Variants in DYNAP observed in about 807,000 individuals in gnomAD.
DYNAP encodes dynactin-associated protein.
DYNAP carries 7 observed loss-of-function variants against 8.5 expected under a neutral mutation model. That is an observed-to-expected ratio of 0.82 (90% confidence interval 0.47 to 1.54). The LOEUF is 1.54. DYNAP is among the 40% of genes most tolerant of loss of function. The probability of loss-of-function intolerance (pLI) is 0.01; values close to 1 mark genes in which losing one functional copy is unlikely to be tolerated. For synonymous variants in DYNAP, 77 were observed against 77.9 expected, an observed-to-expected ratio of 0.99 and a Z score of 0.06; for missense variants, 256 against 224.3, an observed-to-expected ratio of 1.14 and a Z score of -0.90.
the DYNAP span, among the ~76,000 whole-genome samples, chr18:54,581,266 A>G: frequency 6.6e-6 from 1 of 152,266 alleles, no homozygotes; most frequent in Non-Finnish European, 1.5e-5. Context: ...ATAGTCACTT[A>G]GTTAAATGTC....
At chr18:54,590,777 G>A (rs146008490), upstream of DYNAP, among the ~76,000 whole-genome samples, 1 of 152,124 alleles carries the variant, frequency 6.6e-6, no homozygotes, top group African/African-American at 2.4e-5. Flanking sequence ...AGTGTGAATT[G>A]CTTGAGCAAC....
At chr18:54,585,816 C>T (rs1910856741), upstream of DYNAP, among the ~76,000 whole-genome samples, 1 of 152,162 alleles carries the variant, frequency 6.6e-6, no homozygotes, top group Non-Finnish European at 1.5e-5. Context: ...GCTGCTCCAG[C>T]TTCGTGAGCT....
upstream of DYNAP, among the ~76,000 whole-genome samples, chr18:54,588,461 TC>T (rs1471578727): frequency 3.3e-5 from 5 of 152,120 alleles, no homozygotes; most frequent in African/African-American, 9.7e-5. Flanking sequence ...CACCTCAGCC[TC>T]CCAAAGTGCT....
At chr18:54,582,409 A>G in the DYNAP span, among the ~76,000 whole-genome samples, 1 of 152,376 alleles carries the variant, frequency 6.6e-6, no homozygotes, top group African/African-American at 2.4e-5. Flanking sequence ...GTTATAAGTC[A>G]GAAATAAAAA....
chr18:54,584,475 C>T (rs1327489746), upstream of DYNAP, among the ~76,000 whole-genome samples: 1 of 151,852 alleles, frequency 6.6e-6, no homozygotes, highest in Non-Finnish European at 1.5e-5. Flanking sequence ...AATAGAGTTA[C>T]AAGTGTCCAT....
chr18:54,575,798 A>G, the DYNAP span, among the ~76,000 whole-genome samples: 9 of 152,124 alleles, frequency 5.9e-5, no homozygotes, highest in East Asian at 1.4e-3. Flanking sequence ...GTTCATTAAC[A>G]TAACATGCAC....
chr18:54,598,203 A>C lies in DYNAP; in HGVS notation c.*58A>C. 9.2e-6 allele frequency: 14 copies of C among 1,522,824 alleles called. No individual in the cohort carries two copies. The highest frequency in any genetic ancestry group is 1.2e-5 in the Non-Finnish European group (14 of 1,122,370). The allele number at this position is 1,522,824 out of a possible 1,614,324, so 94.3% of individuals were successfully genotyped here. On this transcript the variant is annotated 3_prime_UTR_variant, in exon 3 of 3. Coordinates refer to ENST00000648945, the MANE Select transcript of DYNAP (RefSeq NM_173629.3). ...ACTTCAACCTCTACCACTTCAACTC[A>C]GTTTGCAACTATAATAGCTACTCCT...
At chr18:54,587,876 G>A (rs1599445807), upstream of DYNAP, 2 of 400,760 alleles carry the variant, frequency 5.0e-6, no homozygotes, top group East Asian at 7.1e-5. Flanking sequence ...GGTAAGTCAT[G>A]AATTCCTAGT....
intron 1 of DYNAP, 111 bp from the exon 2 acceptor site, chr18:54,594,828 A>G (rs1911217361): frequency 2.5e-6 from 3 of 1,194,956 alleles, no homozygotes; most frequent in Admixed American, 5.3e-5. Flanking sequence ...GAAAACATTT[A>G]TTCCTTTTAA....
In DYNAP at chr18:54,591,352, G is replaced by C. The variant is rs373641178; in HGVS notation, c.57+13G>C. 5 of 1,595,780 alleles carry C rather than the reference G, an allele frequency of 3.1e-6. No homozygotes were observed. Among genetic ancestry groups the C allele is most frequent in the Non-Finnish European group, 2.6e-6 (3 of 1,171,204 alleles). ...TGAAAACCAGCCGGTGAGTGTCCTT[G>C]CTCCATTTTGATAGTTTGCCTATAT... On this transcript the variant is annotated intron_variant, in intron 1 of 2. Transcript: ENST00000648945.
chr18:54,591,278 C>G lies in DYNAP; in HGVS notation c.-5C>G, dbSNP rs766675393. On this transcript the variant is annotated 5_prime_UTR_variant, in exon 1 of 3. Coordinates refer to ENST00000648945, the MANE Select transcript of DYNAP (RefSeq NM_173629.3). Reference sequence around the variant, plus strand: ...AGAGAAGCTTGTGATACTGGCAGCTCAAGAATGGACAGAAAGCATGGAAAA... The same window carrying G: ...AGAGAAGCTTGTGATACTGGCAGCTGAAGAATGGACAGAAAGCATGGAAAA... The G allele has an allele frequency of 3.1e-6, 5 of 1,612,708 alleles. No homozygotes were observed. In the South Asian group the frequency reaches 5.5e-5, roughly 18 times the overall value.
chr18:54,582,974 C>T (rs1910768557), upstream of DYNAP, among the ~76,000 whole-genome samples: 1 of 152,140 alleles, frequency 6.6e-6, no homozygotes. Flanking sequence ...GCTTCAACAA[C>T]CATCAACGCT....
At chr18:54,586,372 C>T (rs72937196), upstream of DYNAP, among the ~76,000 whole-genome samples, 71,980 of 151,722 alleles carry the variant, frequency 0.47, 18,145 homozygotes, top group East Asian at 0.69. Context: ...GGAGGGTCAG[C>T]AAGGATGATG....
At chr18:54,596,299 C>T (rs1911285908) in intron 2 of DYNAP, among the ~76,000 whole-genome samples, 1 of 152,010 alleles carries the variant, frequency 6.6e-6, no homozygotes. Context: ...TCTCAACCTC[C>T]TGGGCTCAAG....
chr18:54,581,780 CTT>C, the DYNAP span, among the ~76,000 whole-genome samples: 1 of 152,018 alleles, frequency 6.6e-6, no homozygotes, highest in Non-Finnish European at 1.5e-5. Flanking sequence ...AAAGGAAAAA[CTT>C]ATTTTCAAGC....
chr18:54,584,286 TTAA>T (rs1161509357), upstream of DYNAP, among the ~76,000 whole-genome samples: 4 of 148,220 alleles, frequency 2.7e-5, no homozygotes, highest in African/African-American at 9.8e-5. Flanking sequence ...TTTATATTAA[TTAA>T]TAATTAATAT....
chr18:54,591,653 T>A (rs758002458), intron 1 of DYNAP, among the ~76,000 whole-genome samples: 9 of 152,138 alleles, frequency 5.9e-5, no homozygotes, highest in Non-Finnish European at 1.2e-4. Context: ...ACTCCAATGA[T>A]GTCAGTGTTT....
the DYNAP span, among the ~76,000 whole-genome samples, chr18:54,577,961 C>T: frequency 3.6e-5 from 2 of 54,986 alleles, no homozygotes; most frequent in Non-Finnish European, 6.8e-5. Context: ...CAGACTCAGC[C>T]TCAAAAAAAA....
At chr18:54,589,926 C>G (rs1911005821), upstream of DYNAP, among the ~76,000 whole-genome samples, 1 of 152,118 alleles carries the variant, frequency 6.6e-6, no homozygotes, top group Non-Finnish European at 1.5e-5. Flanking sequence ...GTCCCTTGTA[C>G]CCCATGGCTG....
Sources: gnomAD v4.1 joint callset for allele counts (sites outside exome capture counted in the v4.1 genomes callset) on GRCh38, gnomAD v4.1.1 for gene constraint, MANE v1.5 for transcripts, NCBI Gene and HGNC (gene_info 2026-07-23, HGNC 2026-07-21) for gene names.